XIRP2: variants seen among roughly 807,000 people sequenced by gnomAD.
The protein encoded by XIRP2 is xin actin binding repeat containing 2.
In XIRP2, 236 loss-of-function variants were observed where a neutral mutation model predicts 277.0. The ratio of observed to expected loss-of-function variants is 0.85; its 90% confidence interval spans 0.77 to 0.95. The LOEUF (loss-of-function observed/expected upper bound fraction) is 0.95, where lower values mean the gene tolerates loss of function less well. Among genes scored for constraint, XIRP2 ranks in the 40% least tolerant of loss-of-function variants. XIRP2 has a pLI of 0.00. For synonymous variants in XIRP2, 1,490 were observed against 1,416.5 expected, an observed-to-expected ratio of 1.05 and a Z score of -1.17; for missense variants, 4,640 against 4,157.5, an observed-to-expected ratio of 1.12 and a Z score of -3.19.
chr2:167,245,397 C>T lies in XIRP2; in HGVS notation c.4005C>T (p.Thr1335=). The T allele has an allele frequency of 6.2e-7, 1 of 1,613,440 alleles. No individual in the cohort carries two copies. Among genetic ancestry groups the T allele is most frequent in the Non-Finnish European group, 8.5e-7 (1 of 1,179,682 alleles). Residue 1335 remains threonine, a synonymous_variant, in exon 9 of 11, where the codon ACC becomes ACT. Coordinates refer to ENST00000409195, the MANE Select transcript of XIRP2 (RefSeq NM_152381.6). ...GAGAAGGGTCCTATCATGAAGTGAC[C>T]ACAGTTAAAAAAGAAGAGGTAATTC... ...QDREGSYHEV[T]TVKKEEVIHG...
At chr2:167,224,390 C>T (rs6432988) in intron 5 of XIRP2, among the ~76,000 whole-genome samples, 1 of 151,820 alleles carries the variant, frequency 6.6e-6, no homozygotes, top group Non-Finnish European at 1.5e-5. Flanking sequence ...TATGCCACCA[C>T]GCCCAGCTAA....
intron 2 of XIRP2, among the ~76,000 whole-genome samples, chr2:166,944,397 A>G (rs1425895278): frequency 6.6e-6 from 1 of 152,218 alleles, no homozygotes; most frequent in Non-Finnish European, 1.5e-5. Flanking sequence ...ATCTAAAAAT[A>G]TGTGCTTCAT....
At chr2:166,961,502 T>TTTAC (rs1404078052) in intron 2 of XIRP2, among the ~76,000 whole-genome samples, 18 of 151,924 alleles carry the variant, frequency 1.2e-4, no homozygotes, top group Admixed American at 6.6e-4. Context: ...AATATATTTG[T>TTTAC]TTACTTACTT....
At chr2:167,159,603 T>C (rs1692304202) in intron 3 of XIRP2, among the ~76,000 whole-genome samples, 1 of 152,178 alleles carries the variant, frequency 6.6e-6, no homozygotes, top group South Asian at 2.1e-4. Flanking sequence ...TTGGGTCCCT[T>C]TTCTGACCAT....
At chr2:167,063,956 G>A (rs191627200) in intron 2 of XIRP2, among the ~76,000 whole-genome samples, 1 of 151,208 alleles carries the variant, frequency 6.6e-6, no homozygotes, top group Non-Finnish European at 1.5e-5. Context: ...TCTACATTTA[G>A]TGTACTATCA....
chr2:166,983,747 C>T (rs776556502), intron 2 of XIRP2, among the ~76,000 whole-genome samples: 2 of 152,228 alleles, frequency 1.3e-5, no homozygotes, highest in East Asian at 1.9e-4. Flanking sequence ...CCAGGGGAGA[C>T]ATGGGACTCA....
In XIRP2 at chr2:167,114,567, G is replaced by A. The variant is rs537176739; in HGVS notation, c.409-21342G>A. Among the ~76,000 whole-genome samples the A allele has an allele frequency of 3.7e-4, 57 of 152,044 alleles. No homozygotes were observed. In the South Asian group the frequency reaches 0.011, roughly 31 times the overall value. On this transcript the variant is annotated intron_variant, in intron 2 of 10. Coordinates refer to ENST00000409195, the MANE Select transcript of XIRP2 (RefSeq NM_152381.6). ...CCATTAACTGGTCATCTAGCATTAG[G>A]TATATCTCCTAAAGCTATCCCTCCC...
At chr2:167,045,727 CA>C (rs1688770599) in intron 2 of XIRP2, among the ~76,000 whole-genome samples, 1 of 151,644 alleles carries the variant, frequency 6.6e-6, no homozygotes, top group Non-Finnish European at 1.5e-5. Flanking sequence ...TAAAAAGTCA[CA>C]AAATACATGT....
At chr2:167,090,661 A>G (rs1188525890) in intron 2 of XIRP2, among the ~76,000 whole-genome samples, 2 of 152,122 alleles carry the variant, frequency 1.3e-5, no homozygotes, top group Non-Finnish European at 2.9e-5. Context: ...GGGCTTTGGC[A>G]CTGCATTACA....
At chr2:167,043,021 C>A (rs1688698098) in intron 2 of XIRP2, among the ~76,000 whole-genome samples, 1 of 151,920 alleles carries the variant, frequency 6.6e-6, no homozygotes, top group Non-Finnish European at 1.5e-5. Flanking sequence ...AAATCGATAC[C>A]AAGAAAATTT....
At chr2:167,143,758 G>C (rs1691792285) in intron 3 of XIRP2, among the ~76,000 whole-genome samples, 1 of 151,410 alleles carries the variant, frequency 6.6e-6, no homozygotes, top group South Asian at 2.1e-4. Context: ...TTAAAGGAGT[G>C]AAATATTTGG....
At chr2:167,159,303 G>A (rs1458597033) in intron 3 of XIRP2, among the ~76,000 whole-genome samples, 1 of 152,166 alleles carries the variant, frequency 6.6e-6, no homozygotes, top group Non-Finnish European at 1.5e-5. Flanking sequence ...GCTAGCAAGG[G>A]AGAAATATTC....
intron 2 of XIRP2, among the ~76,000 whole-genome samples, chr2:166,960,483 A>G (rs1264162328): frequency 6.6e-6 from 1 of 151,684 alleles, no homozygotes; most frequent in African/African-American, 2.4e-5. Context: ...CATATTACTG[A>G]ATGTTTTCAG....
intron 2 of XIRP2, among the ~76,000 whole-genome samples, chr2:167,011,391 T>C (rs1687675629): frequency 6.6e-6 from 1 of 151,114 alleles, no homozygotes; most frequent in South Asian, 2.1e-4. Flanking sequence ...TTTGTGTATA[T>C]TGAACCAGCC....
At chr2:167,188,507 G>A (rs1693230000) in intron 3 of XIRP2, among the ~76,000 whole-genome samples, 1 of 152,162 alleles carries the variant, frequency 6.6e-6, no homozygotes, top group African/African-American at 2.4e-5. Context: ...TGCACCAAAG[G>A]ACAGGCAAAA....
At chr2:167,120,485 G>T (rs1407702476) in intron 2 of XIRP2, among the ~76,000 whole-genome samples, 1 of 151,892 alleles carries the variant, frequency 6.6e-6, no homozygotes, top group Non-Finnish European at 1.5e-5. Context: ...ACATCGTAAG[G>T]GTATTGTTTT....
intron 2 of XIRP2, among the ~76,000 whole-genome samples, chr2:166,942,044 A>G (rs575211830): frequency 2.8e-4 from 42 of 152,334 alleles, no homozygotes; most frequent in Non-Finnish European, 4.9e-4. Context: ...TAATATATTC[A>G]TTCTACTCAA....
chr2:167,118,436 C>T (rs1457681420), intron 2 of XIRP2, among the ~76,000 whole-genome samples: 2 of 151,010 alleles, frequency 1.3e-5, no homozygotes, highest in Non-Finnish European at 2.9e-5. Context: ...GAGCCAAGAT[C>T]GGGCCACCGC....
At chr2:167,068,461 A>C (rs992090816) in intron 2 of XIRP2, among the ~76,000 whole-genome samples, 1 of 152,096 alleles carries the variant, frequency 6.6e-6, no homozygotes, top group African/African-American at 2.4e-5. Context: ...GTTTTGTTTC[A>C]TTTTTTAATT....
Sources: allele counts gnomAD v4.1 joint callset (sites outside exome capture counted in the v4.1 genomes callset), GRCh38; gene constraint gnomAD v4.1.1; transcripts MANE v1.5; gene names NCBI Gene and HGNC (gene_info 2026-07-23, HGNC 2026-07-21).